The following LINGO1 variants were observed in gnomAD, a reference collection of about 807,000 sequenced individuals.
LINGO1 encodes leucine rich repeat and Ig domain containing 1, also known as leucine-rich repeat and immunoglobulin-like domain-containing nogo receptor-interacting protein 1.
A neutral mutation model predicts 37.3 loss-of-function variants in LINGO1; 11 were observed. That is an observed-to-expected ratio of 0.29 (90% CI 0.19 to 0.49). The LOEUF (loss-of-function observed/expected upper bound fraction) is 0.49, where lower values mean the gene tolerates loss of function less well. Among genes scored for constraint, LINGO1 ranks in the 20% least tolerant of loss-of-function variants. The pLI, the probability that LINGO1 is intolerant of heterozygous loss-of-function variation, is 0.99. For missense variants in LINGO1, 585 were observed against 878.2 expected, an observed-to-expected ratio of 0.67 and a Z score of 4.22; for synonymous variants, 387 against 403.0, an observed-to-expected ratio of 0.96 and a Z score of 0.48.
At chr15:77,693,073 C>T (rs185886200) in intron 1 of LINGO1, among the ~76,000 whole-genome samples, 4 of 152,190 alleles carry the variant, frequency 2.6e-5, no homozygotes, top group Admixed American at 6.5e-5. Flanking sequence ...CATGTGCACG[C>T]GTGCACACAC....
intron 2 of LINGO1, among the ~76,000 whole-genome samples, chr15:77,706,851 G>A (rs1472301767): frequency 6.6e-6 from 1 of 152,256 alleles, no homozygotes; most frequent in Non-Finnish European, 1.5e-5. Flanking sequence ...CTGAGGAGCA[G>A]ACCAGAGACT....
intron 2 of LINGO1, among the ~76,000 whole-genome samples, chr15:77,730,749 GTC>G (rs2076146913): frequency 6.6e-6 from 1 of 152,240 alleles, no homozygotes; most frequent in South Asian, 2.1e-4. Flanking sequence ...TTGAGCCTCA[GTC>G]TCCACATCTG....
intron 3 of LINGO1, among the ~76,000 whole-genome samples, chr15:77,642,681 C>A (rs1276288395): frequency 1.3e-5 from 2 of 152,230 alleles, no homozygotes; most frequent in South Asian, 2.1e-4. Context: ...ACACAGGGAG[C>A]AAGGCTGGGA....
intron 2 of LINGO1, among the ~76,000 whole-genome samples, chr15:77,683,579 C>A (rs959888576): frequency 5.9e-5 from 9 of 152,062 alleles, no homozygotes; most frequent in African/African-American, 2.2e-4. Context: ...CTGATGCCCA[C>A]AATATACTGG....
chr15:77,776,466 C>CAGGAAGGG (rs2076644072), intron 1 of LINGO1, among the ~76,000 whole-genome samples: 3 of 129,804 alleles, frequency 2.3e-5, no homozygotes, highest in African/African-American at 9.5e-5. Context: ...GGCAGGAAGG[C>CAGGAAGGG]AGGAAGGCAG....
At chr15:77,810,892 G>C (rs1346194419) in intron 1 of LINGO1, among the ~76,000 whole-genome samples, 2 of 152,200 alleles carry the variant, frequency 1.3e-5, no homozygotes, top group Non-Finnish European at 2.9e-5. Flanking sequence ...GGCTCGGGCA[G>C]GAGGCCGGAA....
At chr15:77,789,036 C>T (rs1029789294), upstream of LINGO1, among the ~76,000 whole-genome samples, 2 of 152,106 alleles carry the variant, frequency 1.3e-5, no homozygotes, top group Non-Finnish European at 2.9e-5. Context: ...GGGGCGGCCT[C>T]GATACTCCTC....
intron 1 of LINGO1, among the ~76,000 whole-genome samples, chr15:77,743,816 T>TG (rs1399952997): frequency 1.5e-5 from 2 of 136,388 alleles, no homozygotes; most frequent in African/African-American, 6.2e-5. Flanking sequence ...AAAGCCAGAC[T>TG]GCGGGGGTGG....
chr15:77,757,999 T>C (rs1038812139), intron 1 of LINGO1, among the ~76,000 whole-genome samples: 5 of 152,220 alleles, frequency 3.3e-5, no homozygotes, highest in African/African-American at 1.2e-4. Flanking sequence ...GAAAAATATA[T>C]GACACTGTAG....
chr15:77,741,328 C>A (rs2076262033), intron 1 of LINGO1, among the ~76,000 whole-genome samples: 1 of 152,232 alleles, frequency 6.6e-6, no homozygotes, highest in Admixed American at 6.5e-5. Context: ...CCGCCCCACC[C>A]ACATTACACT....
In LINGO1 at chr15:77,808,553, A is replaced by C. The variant is rs543080335; in HGVS notation, c.-458+11705T>G. Among the ~76,000 whole-genome samples, 332 of 152,256 alleles carry C rather than the reference A, an allele frequency of 2.2e-3. 1 individual carries two copies. The highest frequency in any genetic ancestry group is 3.6e-3 in the Non-Finnish European group (246 of 67,994). On this transcript the variant is annotated intron_variant, in intron 1 of 5. Transcript: ENST00000562933. ...GACCTCCTCCCTCCAAATACAGAGCAGACACCTCTTCCTGAAACCACACTG... is the reference window on the plus strand; with the variant it reads ...GACCTCCTCCCTCCAAATACAGAGCCGACACCTCTTCCTGAAACCACACTG...
upstream of LINGO1, among the ~76,000 whole-genome samples, chr15:77,789,279 GC>G (rs1279573135): frequency 1.3e-5 from 2 of 152,206 alleles, no homozygotes; most frequent in African/African-American, 4.8e-5. Flanking sequence ...GAGTATGGCG[GC>G]CCCTTAATCC....
intron 3 of LINGO1, among the ~76,000 whole-genome samples, chr15:77,657,570 G>C (rs1000946333): frequency 6.6e-6 from 1 of 152,200 alleles, no homozygotes; most frequent in Non-Finnish European, 1.5e-5. Flanking sequence ...ACCCCTAGGA[G>C]CACACAGATG....
chr15:77,809,334 C>T (rs779576154), intron 1 of LINGO1, among the ~76,000 whole-genome samples: 13 of 152,196 alleles, frequency 8.5e-5, no homozygotes, highest in Non-Finnish European at 1.5e-4. Context: ...CAGCGGGATC[C>T]GGGGAAGCCA....
intron 1 of LINGO1, among the ~76,000 whole-genome samples, chr15:77,627,064 T>G (rs2074116853): frequency 6.7e-6 from 1 of 148,420 alleles, no homozygotes; most frequent in African/African-American, 2.5e-5. Flanking sequence ...CAGAGGGAAG[T>G]AGAGGAGGTG....
intron 2 of LINGO1, among the ~76,000 whole-genome samples, chr15:77,687,222 G>A (rs1567521970): frequency 6.6e-6 from 1 of 152,184 alleles, no homozygotes; most frequent in Non-Finnish European, 1.5e-5. Flanking sequence ...GTTGATTCAG[G>A]ATCAGGGCTC....
At chr15:77,741,891 T>TTGG (rs2141349833) in intron 1 of LINGO1, among the ~76,000 whole-genome samples, 1 of 152,242 alleles carries the variant, frequency 6.6e-6, no homozygotes, top group South Asian at 2.1e-4. Flanking sequence ...AGACCTCAGC[T>TTGG]GAAACCAGAG....
chr15:77,720,692 T>C (rs1050643402), intron 2 of LINGO1: 3 of 152,208 alleles, frequency 2.0e-5, no homozygotes, highest in Non-Finnish European at 4.4e-5. Context: ...CTATTTTTTT[T>C]TTTCTTGAGC....
intron 1 of LINGO1, among the ~76,000 whole-genome samples, chr15:77,624,196 G>A (rs1222737667): frequency 1.4e-5 from 2 of 146,988 alleles, no homozygotes; most frequent in Admixed American, 6.8e-5. Context: ...TGTGTGTGAT[G>A]TGTGGCCTCT....
Sources: allele counts gnomAD v4.1 joint callset (sites outside exome capture counted in the v4.1 genomes callset), GRCh38; gene constraint gnomAD v4.1.1; transcripts MANE v1.5; gene names NCBI Gene and HGNC (gene_info 2026-07-23, HGNC 2026-07-21).